Variants in DENND1A observed in about 807,000 individuals in gnomAD.
DENND1A encodes the protein DENN domain-containing protein 1A.
In DENND1A, 51 loss-of-function variants were observed where a neutral mutation model predicts 113.7. That is an observed-to-expected ratio of 0.45 (90% CI 0.36 to 0.57). DENND1A has a LOEUF of 0.57. Among genes scored for constraint, DENND1A ranks in the 20% least tolerant of loss-of-function variants. The pLI, the probability that DENND1A is intolerant of heterozygous loss-of-function variation, is 0.00. For missense variants in DENND1A, 1,258 were observed against 1,395.9 expected (o/e 0.90, Z 1.57); for synonymous variants, 565 against 570.8 (o/e 0.99, Z 0.14).
chr9:123,850,422 C>T (rs909466191), intron 2 of DENND1A, among the ~76,000 whole-genome samples: 3 of 152,166 alleles, frequency 2.0e-5, no homozygotes, highest in Non-Finnish European at 4.4e-5. Context: ...AAACATAATG[C>T]TATTATACAA....
chr9:123,929,366 TAG>T (rs1318839212), intron 1 of DENND1A, among the ~76,000 whole-genome samples: 1 of 152,046 alleles, frequency 6.6e-6, no homozygotes, highest in African/African-American at 2.4e-5. Context: ...AGGGGGGAAA[TAG>T]AGAGACAGGC....
chr9:123,863,932 A>T (rs1845442519), intron 2 of DENND1A, among the ~76,000 whole-genome samples: 1 of 151,462 alleles, frequency 6.6e-6, no homozygotes. Flanking sequence ...TTTTTTTTTT[A>T]AAGGACTGTT....
rs1588537491 is a variant in DENND1A, at chr9:123,440,177, T to C, written c.1488+183A>G. 1.6e-5 allele frequency: 12 copies of C among 727,674 alleles called. No homozygotes were observed. The East Asian group carries it at 4.1e-4, about 25-fold the overall frequency. The allele number at this position is 727,674 out of a possible 1,614,324, so 45.1% of individuals were successfully genotyped here. On this transcript the variant is annotated intron_variant, in intron 19 of 23. Transcript: ENST00000394215. ...TCAGCCGTGCTGTCTCCTCAAAATT[T>C]TTGAAAATTTGCCTGCAAAACATGT... is the stretch of plus-strand genomic sequence containing the variant.
At position 123,608,855 on chromosome 9, in the gene DENND1A, C is replaced by T. The variant is rs182703355; in HGVS notation, c.765+581G>A. On this transcript the variant is annotated intron_variant, in intron 11 of 23. Transcript: ENST00000394215. ...ATAGGTGGCAAATTAAAAATTATTACTGAGAGTAGATAAAAACATGTAGAG... is the reference window on the plus strand; with the variant it reads ...ATAGGTGGCAAATTAAAAATTATTATTGAGAGTAGATAAAAACATGTAGAG... Among the ~76,000 whole-genome samples, 361 of 152,188 alleles carry T rather than the reference C, an allele frequency of 2.4e-3. 9 individuals are homozygous for T. The highest frequency in any genetic ancestry group is 0.021 in the Admixed American group (327 of 15,300).
chr9:123,481,739 G>T (rs1414350816), intron 13 of DENND1A, among the ~76,000 whole-genome samples: 1 of 151,990 alleles, frequency 6.6e-6, no homozygotes, highest in Admixed American at 6.6e-5. Context: ...TCAGAAAAGG[G>T]GTGTCAGCTT....
intron 2 of DENND1A, among the ~76,000 whole-genome samples, chr9:123,845,283 A>C (rs191017234): frequency 1.3e-5 from 2 of 152,278 alleles, no homozygotes; most frequent in East Asian, 3.9e-4. Context: ...AATACTTTTC[A>C]ACAGAAGGTG....
chr9:123,641,224 G>A (rs1023180486), intron 9 of DENND1A, among the ~76,000 whole-genome samples: 2 of 152,134 alleles, frequency 1.3e-5, no homozygotes, highest in African/African-American at 4.8e-5. Context: ...GCCAAAGTGG[G>A]TGCAGGGCTT....
chr9:123,555,944 G>C (rs756263294), intron 13 of DENND1A, among the ~76,000 whole-genome samples: 1 of 152,194 alleles, frequency 6.6e-6, no homozygotes, highest in African/African-American at 2.4e-5. Context: ...CCAAGCAAAG[G>C]ATTGGGCCAG....
intron 13 of DENND1A, among the ~76,000 whole-genome samples, chr9:123,550,740 G>C (rs1306524770): frequency 6.6e-6 from 1 of 152,190 alleles, no homozygotes; most frequent in Admixed American, 6.5e-5. Flanking sequence ...TGAGGTAAAA[G>C]ATTGTTTAAA....
At chr9:123,396,743 T>C (rs1283486648) in intron 21 of DENND1A, among the ~76,000 whole-genome samples, 1 of 152,226 alleles carries the variant, frequency 6.6e-6, no homozygotes, top group Non-Finnish European at 1.5e-5. Flanking sequence ...ACTGTCTACC[T>C]AGCTAGCATG....
At chr9:123,513,733 G>A (rs2053641459) in intron 13 of DENND1A, among the ~76,000 whole-genome samples, 5 of 152,238 alleles carry the variant, frequency 3.3e-5, no homozygotes, top group Admixed American at 3.3e-4. Context: ...AGCTAGCCAG[G>A]CACTTGACAG....
chr9:123,919,684 T>C (rs141382671), intron 1 of DENND1A, among the ~76,000 whole-genome samples: 2,525 of 150,156 alleles, frequency 0.017, 32 homozygotes, highest in Middle Eastern at 0.12. Context: ...GTGTTTGAGA[T>C]CAGCCTGGCC....
chr9:123,533,985 A>C (rs1589020267), intron 13 of DENND1A, among the ~76,000 whole-genome samples: 1 of 152,234 alleles, frequency 6.6e-6, no homozygotes, highest in African/African-American at 2.4e-5. Context: ...GATTTTAAAC[A>C]TGATATTATG....
At chr9:123,608,139 G>GA (rs2060255412) in intron 11 of DENND1A, among the ~76,000 whole-genome samples, 1 of 152,184 alleles carries the variant, frequency 6.6e-6, no homozygotes, top group Non-Finnish European at 1.5e-5. Context: ...AGGGCTGGGT[G>GA]ATGACAAGGA....
chr9:123,870,633 C>T (rs1439607309), intron 2 of DENND1A, among the ~76,000 whole-genome samples: 1 of 151,980 alleles, frequency 6.6e-6, no homozygotes, highest in Non-Finnish European at 1.5e-5. Context: ...GACGGGGTTT[C>T]ACCATGTTGA....
intron 2 of DENND1A, among the ~76,000 whole-genome samples, chr9:123,802,675 C>T (rs1422581506): frequency 6.6e-6 from 1 of 151,984 alleles, no homozygotes; most frequent in African/African-American, 2.4e-5. Context: ...TCCACAGGGG[C>T]ATATACTCTA....
At chr9:123,679,392 A>ACTCAGC (rs568930224) in intron 5 of DENND1A, among the ~76,000 whole-genome samples, 88 of 152,160 alleles carry the variant, frequency 5.8e-4, no homozygotes, top group Middle Eastern at 6.8e-3. Context: ...TGGTTCTCAC[A>ACTCAGC]CTCAGCCTCA....
At chr9:123,656,112 G>A (rs1209485267) in intron 8 of DENND1A, among the ~76,000 whole-genome samples, 1 of 152,232 alleles carries the variant, frequency 6.6e-6, no homozygotes, top group Non-Finnish European at 1.5e-5. Context: ...GAGAAAGTGT[G>A]ACAGAGAAGA....
At chr9:123,404,203 C>T (rs903584653) in intron 20 of DENND1A, among the ~76,000 whole-genome samples, 10 of 152,300 alleles carry the variant, frequency 6.6e-5, no homozygotes, top group East Asian at 5.8e-4. Flanking sequence ...TTTTCTGACC[C>T]GCTGTCTCTG....
Sources: gnomAD v4.1 joint callset for allele counts (sites outside exome capture counted in the v4.1 genomes callset) on GRCh38, gnomAD v4.1.1 for gene constraint, MANE v1.5 for transcripts, NCBI Gene and HGNC (gene_info 2026-07-23, HGNC 2026-07-21) for gene names.